Variants in STK32B observed in about 807,000 individuals in gnomAD.
STK32B encodes serine/threonine kinase 32B, also known as serine/threonine-protein kinase 32B.
STK32B carries 43 observed loss-of-function variants against 52.6 expected under a neutral mutation model. The ratio of observed to expected loss-of-function variants is 0.82; its 90% CI spans 0.64 to 1.05. The LOEUF (loss-of-function observed/expected upper bound fraction) is 1.05. Among genes scored for constraint, STK32B ranks in the 50% least tolerant of loss-of-function variants. STK32B has a pLI of 0.00. For synonymous variants in STK32B, 238 were observed against 204.3 expected (o/e 1.17, Z -1.41); for missense variants, 621 against 534.6 (o/e 1.16, Z -1.59).
intron 3 of STK32B, among the ~76,000 whole-genome samples, chr4:5,240,356 T>C (rs1408530618): frequency 6.6e-6 from 1 of 152,214 alleles, no homozygotes; most frequent in Non-Finnish European, 1.5e-5. Flanking sequence ...TATTAATCTT[T>C]TGTCAGTTAG....
At chr4:5,438,222 A>G (rs1364592235) in intron 6 of STK32B, 2 of 817,814 alleles carry the variant, frequency 2.4e-6, no homozygotes, top group Admixed American at 6.2e-5. Context: ...ACAGGCACAC[A>G]CTCTGGTGCA....
intron 2 of STK32B, among the ~76,000 whole-genome samples, chr4:5,160,401 G>A (rs1009630171): frequency 4.6e-5 from 7 of 152,194 alleles, no homozygotes; most frequent in East Asian, 1.9e-4. Context: ...CACGTGCCAC[G>A]GCATGTCTCA....
intron 3 of STK32B, among the ~76,000 whole-genome samples, chr4:5,177,496 G>T (rs1043614326): frequency 2.0e-5 from 3 of 152,162 alleles, no homozygotes; most frequent in South Asian, 2.1e-4. Context: ...GTCCCTCCCA[G>T]ATCTCATGTC....
chr4:5,457,075 A>G (rs1716595577), intron 8 of STK32B, 152 bp downstream of exon 8: 1 of 568,734 alleles, frequency 1.8e-6, no homozygotes. Flanking sequence ...GCCGTGGAAT[A>G]AACGCTGTTA....
chr4:5,304,718 T>G (rs1256996810), intron 3 of STK32B, among the ~76,000 whole-genome samples: 1 of 152,096 alleles, frequency 6.6e-6, no homozygotes, highest in East Asian at 1.9e-4. Flanking sequence ...TCCAGTACTA[T>G]GCTGAATAGA....
intron 3 of STK32B, among the ~76,000 whole-genome samples, chr4:5,213,662 C>T (rs868840624): frequency 1.2e-4 from 19 of 152,332 alleles, no homozygotes; most frequent in Middle Eastern, 3.4e-3. Flanking sequence ...TTTAAAATCA[C>T]AAATACTTCC....
chr4:5,487,407 A>G (rs907593565), intron 11 of STK32B, among the ~76,000 whole-genome samples: 4 of 152,196 alleles, frequency 2.6e-5, no homozygotes, highest in African/African-American at 7.2e-5. Flanking sequence ...TTATAATACA[A>G]TTATAATATG....
chr4:5,081,788 A>G (rs2108776014), intron 1 of STK32B, among the ~76,000 whole-genome samples: 1 of 152,110 alleles, frequency 6.6e-6, no homozygotes, highest in South Asian at 2.1e-4. Context: ...TGTTTTCCTG[A>G]CGTCATTGAG....
chr4:5,079,293 C>T (rs200161449), intron 1 of STK32B, among the ~76,000 whole-genome samples: 1 of 136,124 alleles, frequency 7.3e-6, no homozygotes, highest in Non-Finnish European at 1.6e-5. Flanking sequence ...CATAAAACTG[C>T]ACTTTTTGCT....
At chr4:5,325,000 G>A (rs572427761) in intron 3 of STK32B, among the ~76,000 whole-genome samples, 15 of 152,148 alleles carry the variant, frequency 9.9e-5, no homozygotes, top group South Asian at 8.3e-4. Flanking sequence ...GCCTGTCTTC[G>A]TGAAGTAGTC....
chr4:5,091,190 A>G lies in STK32B; in HGVS notation c.52+39275A>G, dbSNP rs75074753. Among the ~76,000 whole-genome samples, 233 of 152,312 alleles carry G rather than the reference A, an allele frequency of 1.5e-3. 2 individuals carry two copies. The East Asian group carries it at 0.019, about 12-fold the overall frequency. ...AAGTGCTTCTTACTGTTGACTTCAA[A>G]AACACAGTAACAAAAAAGTAAAAAT... On this transcript the variant is annotated intron_variant, in intron 1 of 11. Coordinates refer to ENST00000282908, the MANE Select transcript of STK32B (RefSeq NM_018401.3).
At chr4:5,440,020 T>C (rs1390688005) in intron 6 of STK32B, among the ~76,000 whole-genome samples, 1 of 152,190 alleles carries the variant, frequency 6.6e-6, no homozygotes, top group Admixed American at 6.5e-5. Flanking sequence ...TGTAGTATAG[T>C]TTGAAGTCAG....
chr4:5,319,608 C>T (rs984893062), intron 3 of STK32B, among the ~76,000 whole-genome samples: 88 of 152,330 alleles, frequency 5.8e-4, no homozygotes, highest in African/African-American at 2.0e-3. Flanking sequence ...GCTCACCACT[C>T]CTCTCAGCCT....
chr4:5,391,863 T>A (rs892465611), intron 4 of STK32B, among the ~76,000 whole-genome samples: 8 of 152,196 alleles, frequency 5.3e-5, no homozygotes, highest in African/African-American at 1.9e-4. Context: ...CACTTGGCGG[T>A]TATCATTAAT....
chr4:5,452,321 C>G (rs914300722), intron 7 of STK32B, among the ~76,000 whole-genome samples: 1 of 151,964 alleles, frequency 6.6e-6, no homozygotes, highest in Non-Finnish European at 1.5e-5. Context: ...GGTGAGAGAG[C>G]GGCACTGAGT....
intron 2 of STK32B, among the ~76,000 whole-genome samples, chr4:5,157,670 C>T (rs1458673660): frequency 6.6e-6 from 1 of 152,212 alleles, no homozygotes; most frequent in Non-Finnish European, 1.5e-5. Flanking sequence ...CAGTGCCCAG[C>T]ACTGTGTCTG....
At chr4:5,255,395 A>G (rs1157617629) in intron 3 of STK32B, among the ~76,000 whole-genome samples, 1 of 152,180 alleles carries the variant, frequency 6.6e-6, no homozygotes, top group Non-Finnish European at 1.5e-5. Flanking sequence ...TCTCCTACTG[A>G]TTAATATGTA....
At chr4:5,251,162 G>GT (rs1296417135) in intron 3 of STK32B, among the ~76,000 whole-genome samples, 1 of 152,104 alleles carries the variant, frequency 6.6e-6, no homozygotes, top group Non-Finnish European at 1.5e-5. Flanking sequence ...TGTTTCCTAG[G>GT]TTTTCTTCAA....
At chr4:5,277,204 G>A (rs1577282369) in intron 3 of STK32B, among the ~76,000 whole-genome samples, 1 of 152,324 alleles carries the variant, frequency 6.6e-6, no homozygotes. Context: ...GCTGTGGACA[G>A]AATGGTGCAG....
Sources: allele counts gnomAD v4.1 joint callset (sites outside exome capture counted in the v4.1 genomes callset), GRCh38; gene constraint gnomAD v4.1.1; transcripts MANE v1.5; gene names NCBI Gene and HGNC (gene_info 2026-07-23, HGNC 2026-07-21).